HHIPL1: variants seen among roughly 807,000 people sequenced by gnomAD.
HHIPL1 encodes the protein HHIP-like protein 1.
Under a neutral mutation model 61.8 loss-of-function variants are expected in HHIPL1, and 43 were observed. The observed-to-expected ratio is 0.70, with a 90% confidence interval of 0.55 to 0.90. The LOEUF (loss-of-function observed/expected upper bound fraction) is 0.90, where lower values mean the gene tolerates loss of function less well. Among genes scored for constraint, HHIPL1 ranks in the 40% least tolerant of loss-of-function variants. HHIPL1 has a pLI of 0.00. For missense variants in HHIPL1, 1,056 were observed against 1,157.7 expected (o/e 0.91, Z 1.28); for synonymous variants, 482 against 515.8 (o/e 0.93, Z 0.89).
intron 1 of HHIPL1, among the ~76,000 whole-genome samples, chr14:99,649,838 C>T (rs1300023937): frequency 6.6e-6 from 1 of 152,224 alleles, no homozygotes; most frequent in Non-Finnish European, 1.5e-5. Context: ...ATGACCCTAC[C>T]TTGCAGAGAT....
rs777872825 is a variant in HHIPL1, at chr14:99,657,716, CAT to C, written c.1046+574_1046+575del. Among the ~76,000 whole-genome samples the C allele has an allele frequency of 1.6e-4, 25 of 151,994 alleles. No homozygotes were observed. The East Asian group carries it at 1.9e-3, about 12-fold the overall frequency. On this transcript the variant is annotated intron_variant, in intron 3 of 8. Coordinates refer to ENST00000330710, the MANE Select transcript of HHIPL1 (RefSeq NM_001127258.3). The stretch of plus-strand genomic sequence containing the variant: ...ACATACACAAATATGCATACACACA[CAT>C]GTACACACATATATACACACATACA...
chr14:99,609,962 A>G, the HHIPL1 span, among the ~76,000 whole-genome samples: 1 of 152,266 alleles, frequency 6.6e-6, no homozygotes, highest in South Asian at 2.1e-4. Context: ...AGGGGAGATC[A>G]CTGAGACTAG....
At chr14:99,650,804 C>T in intron 1 of HHIPL1, among the ~76,000 whole-genome samples, 1 of 152,384 alleles carries the variant, frequency 6.6e-6, no homozygotes. Context: ...TGGCTTCCCC[C>T]ACGGCCATGG....
intron 7 of HHIPL1, among the ~76,000 whole-genome samples, chr14:99,670,114 C>CTTTT (rs766131828): frequency 2.1e-5 from 3 of 144,372 alleles, no homozygotes; most frequent in African/African-American, 2.6e-5. Flanking sequence ...CAGTCTTTTA[C>CTTTT]TTTTTTTTTT....
the HHIPL1 span, among the ~76,000 whole-genome samples, chr14:99,622,045 G>A: frequency 6.6e-5 from 10 of 152,260 alleles, no homozygotes; most frequent in Admixed American, 5.9e-4. Flanking sequence ...CAATTCAGGA[G>A]GCGGGGGAAA....
At chr14:99,620,434 T>C in the HHIPL1 span, among the ~76,000 whole-genome samples, 4 of 152,184 alleles carry the variant, frequency 2.6e-5, no homozygotes, top group Non-Finnish European at 5.9e-5. Flanking sequence ...TCCCCCTTTT[T>C]CTCGCTCCCC....
At chr14:99,638,574 C>G in the HHIPL1 span, among the ~76,000 whole-genome samples, 1 of 152,188 alleles carries the variant, frequency 6.6e-6, no homozygotes, top group African/African-American at 2.4e-5. Context: ...GGACCCCACA[C>G]CCTCAGGCCC....
chr14:99,675,276 G>C lies in HHIPL1; in HGVS notation c.1999G>C (p.Ala667Pro). Residue 667 changes from alanine (A) to proline (P), a missense_variant, in exon 9 of 9, where the codon GCG becomes CCG. Coordinates refer to ENST00000330710, the MANE Select transcript of HHIPL1 (RefSeq NM_001127258.3). This position sits in a 1 kb window ranked among gnomAD's most constrained non-coding sequence, Gnocchi z 5.4. ...RRGRLNSASR[A>P]FRDGEVRLVR... is the part of the protein sequence containing the mutation. ...GGGGCGGCTGAACTCGGCGAGCCGG[G>C]CGTTCCGGGATGGCGAGGTGCGCCT... 8.0e-7 allele frequency: 1 copy of C among 1,257,790 alleles called. No homozygotes were observed. The highest frequency in any genetic ancestry group is 3.1e-5 in the South Asian group (1 of 32,348). The allele number at this position is 1,257,790 out of a possible 1,614,324, so 77.9% of individuals were successfully genotyped here. A position where few individuals can be genotyped will look rare whatever the true frequency, so the allele number is the denominator to read the frequency against.
intron 2 of HHIPL1, 120 bp from the exon 3 acceptor site, chr14:99,656,862 AGGAAGGAAGGAAGGAAGG>A: frequency 1.4e-5 from 1 of 72,808 alleles, no homozygotes; most frequent in Non-Finnish European, 2.6e-5. Context: ...GAAGGAAGGA[AGGAAGGAAGGAAGGAAGG>A]AAGGAAGGAA....
upstream of HHIPL1, among the ~76,000 whole-genome samples, chr14:99,644,269 A>T (rs1292177094): frequency 2.6e-5 from 4 of 152,182 alleles, no homozygotes; most frequent in Non-Finnish European, 5.9e-5. Flanking sequence ...AGCTCACTGG[A>T]CAGAGAAGAT....
chr14:99,644,243 A>G (rs2055790957), upstream of HHIPL1, among the ~76,000 whole-genome samples: 2 of 152,128 alleles, frequency 1.3e-5, no homozygotes, highest in Admixed American at 1.3e-4. Flanking sequence ...CGTTGGGGCC[A>G]TGAAGATGGA....
At chr14:99,630,064 G>C in the HHIPL1 span, among the ~76,000 whole-genome samples, 24 of 152,220 alleles carry the variant, frequency 1.6e-4, no homozygotes, top group Non-Finnish European at 2.9e-4. Flanking sequence ...GCATTGCCCT[G>C]GTTTCTACCC....
chr14:99,626,802 GC>G, the HHIPL1 span, among the ~76,000 whole-genome samples: 1 of 152,178 alleles, frequency 6.6e-6, no homozygotes. Flanking sequence ...TCTTCTGAAA[GC>G]TGGGCCTGCA....
chr14:99,653,521 C>T (rs777203001), intron 2 of HHIPL1, among the ~76,000 whole-genome samples: 5 of 152,102 alleles, frequency 3.3e-5, no homozygotes, highest in Non-Finnish European at 5.9e-5. Context: ...TCAGTGGAGA[C>T]AGGGTTCCAC....
chr14:99,606,880 G>A, the HHIPL1 span, among the ~76,000 whole-genome samples: 52 of 152,172 alleles, frequency 3.4e-4, no homozygotes, highest in African/African-American at 1.3e-3. Flanking sequence ...CTGAAACAGC[G>A]TCCTGAAGGA....
At chr14:99,622,301 T>C in the HHIPL1 span, among the ~76,000 whole-genome samples, 1 of 152,196 alleles carries the variant, frequency 6.6e-6, no homozygotes, top group South Asian at 2.1e-4. Flanking sequence ...GGCCCATCCT[T>C]AGAGACCCTC....
chr14:99,642,200 A>C (rs2055760933), upstream of HHIPL1, among the ~76,000 whole-genome samples: 1 of 152,138 alleles, frequency 6.6e-6, no homozygotes, highest in Admixed American at 6.5e-5. Flanking sequence ...TCCACCTCCC[A>C]AAGTGCTGGG....
At chr14:99,643,625 G>A (rs182328853), upstream of HHIPL1, among the ~76,000 whole-genome samples, 4 of 152,290 alleles carry the variant, frequency 2.6e-5, no homozygotes, top group East Asian at 1.9e-4. Context: ...GGAAGTAGGC[G>A]CCATCGTGCC....
chr14:99,614,032 T>A, the HHIPL1 span, among the ~76,000 whole-genome samples: 2 of 152,272 alleles, frequency 1.3e-5, no homozygotes, highest in Middle Eastern at 3.4e-3. Context: ...ACCCTGGATG[T>A]AAAATCTGTG....
Sources: gnomAD v4.1 joint callset for allele counts (sites outside exome capture counted in the v4.1 genomes callset) on GRCh38, gnomAD v4.1.1 for gene constraint, Gnocchi (gnomAD v3.1) non-coding constraint, MANE v1.5 for transcripts, NCBI Gene and HGNC (gene_info 2026-07-23, HGNC 2026-07-21) for gene names.